The following MYO18A variants were observed in gnomAD, a reference collection of about 807,000 sequenced individuals.
MYO18A encodes the protein myosin XVIIIA, also known as unconventional myosin-XVIIIa.
Under a neutral mutation model 235.8 loss-of-function variants are expected in MYO18A, and 78 were observed. That is an observed-to-expected ratio of 0.33 (90% confidence interval 0.28 to 0.40). The LOEUF (loss-of-function observed/expected upper bound fraction) is 0.40, where lower values mean the gene tolerates loss of function less well. Among genes scored for constraint, MYO18A ranks in the 10% least tolerant of loss-of-function variants. The probability of loss-of-function intolerance (pLI) is 1.00; values close to 1 mark genes in which losing one functional copy is unlikely to be tolerated. For synonymous variants in MYO18A, 977 were observed against 1,077.8 expected, an observed-to-expected ratio of 0.91 and a Z score of 1.83; for missense variants, 2,215 against 2,699.3, an observed-to-expected ratio of 0.82 and a Z score of 3.98.
intron 1 of MYO18A, among the ~76,000 whole-genome samples, chr17:29,172,293 G>A (rs2068423350): frequency 6.6e-6 from 1 of 152,016 alleles, no homozygotes; most frequent in African/African-American, 2.4e-5. Context: ...GGTCAACACG[G>A]TGAAACCTTG....
At chr17:29,098,609 C>T (rs1021537724) in intron 23 of MYO18A, among the ~76,000 whole-genome samples, 164 bp from the exon 24 acceptor site, 13 of 152,308 alleles carry the variant, frequency 8.5e-5, no homozygotes, top group African/African-American at 3.1e-4. Context: ...GGATCCTGTC[C>T]CTAGACGCTT....
At position 29,106,717 on chromosome 17, in the gene MYO18A, C is replaced by G. The variant is rs1418935701; in HGVS notation, c.3441+363G>C. Among the ~76,000 whole-genome samples the G allele has an allele frequency of 1.3e-5, 2 of 152,220 alleles. No homozygotes were observed. The highest frequency in any genetic ancestry group is 2.9e-5 in the Non-Finnish European group (2 of 68,032). On this transcript the variant is annotated intron_variant, in intron 20 of 41. Transcript: ENST00000527372. This position sits in a 1 kb window ranked among gnomAD's most constrained non-coding sequence, Gnocchi z 4.6. ...CCTTCTAGGAGGAATGTTCGCCCAG[C>G]CCTGGACAGCTTCCTGCTTCAGGAA...
chr17:29,116,919 C>T (rs1567606800), intron 10 of MYO18A, among the ~76,000 whole-genome samples: 1 of 151,978 alleles, frequency 6.6e-6, no homozygotes, highest in African/African-American at 2.4e-5. Context: ...CACGCCTGCC[C>T]GCCTGTCTGT....
chr17:29,095,121 T>C, intron 28 of MYO18A, 62 bp from the exon 29 acceptor site: 2 of 1,470,396 alleles, frequency 1.4e-6, no homozygotes, highest in Non-Finnish European at 1.8e-6. Context: ...ACACAGACAC[T>C]GTCAGGAGGT....
chr17:29,079,260 G>A (rs1167526692), intron 41 of MYO18A, among the ~76,000 whole-genome samples: 1 of 152,194 alleles, frequency 6.6e-6, no homozygotes, highest in Non-Finnish European at 1.5e-5. Context: ...CTGGCTGCCT[G>A]GAGGAGTGGG....
chr17:29,130,994 T>C (rs1005398845), intron 2 of MYO18A, among the ~76,000 whole-genome samples: 9 of 152,024 alleles, frequency 5.9e-5, no homozygotes, highest in Admixed American at 1.3e-4. Context: ...GAGCTCTCAT[T>C]CGACGCTCCC....
chr17:29,127,926 C>T, intron 2 of MYO18A: 1 of 999,176 alleles, frequency 1.0e-6, no homozygotes, highest in Non-Finnish European at 1.2e-6. Context: ...CCGGTGGAGC[C>T]TGGGGTCACC....
chr17:29,107,045 G>C (rs2066804945), intron 20 of MYO18A, 35 bp downstream of exon 20: 5 of 1,592,838 alleles, frequency 3.1e-6, no homozygotes, highest in Non-Finnish European at 4.3e-6. Context: ...GAGGGGCCTG[G>C]GCAGAGGGAG....
At position 29,169,829 on chromosome 17, in the gene MYO18A, A is replaced by G. The variant is rs530707820; in HGVS notation, c.-81-2808T>C. Among the ~76,000 whole-genome samples the G allele has an allele frequency of 2.0e-5, 3 of 152,152 alleles. No individual in the cohort carries two copies. In the South Asian group the frequency reaches 6.3e-4, roughly 32 times the overall value. ...ATTCTCGGTCTATAATGCTTACCCAATCCTGGCTCTTTGCTGGGGGCTAGA... is the reference window on the plus strand; with the variant it reads ...ATTCTCGGTCTATAATGCTTACCCAGTCCTGGCTCTTTGCTGGGGGCTAGA... On this transcript the variant is annotated intron_variant, in intron 1 of 41. Coordinates refer to ENST00000527372, the MANE Select transcript of MYO18A (RefSeq NM_078471.4).
chr17:29,130,708 C>G (rs1224179451), intron 2 of MYO18A, among the ~76,000 whole-genome samples: 1 of 152,208 alleles, frequency 6.6e-6, no homozygotes, highest in Admixed American at 6.5e-5. Context: ...GGCACTCCTG[C>G]CCCCTGTGCT....
chr17:29,130,065 G>A (rs2067425932), intron 2 of MYO18A, among the ~76,000 whole-genome samples: 1 of 152,094 alleles, frequency 6.6e-6, no homozygotes. Context: ...GCGAGGCCAA[G>A]GCAGGGAGAC....
rs1598317439 is a variant in MYO18A, at chr17:29,109,701, T to G, written c.3331+157A>C. Among the ~76,000 whole-genome samples, 1 of 151,912 alleles carries G rather than the reference T, an allele frequency of 6.6e-6. No individual in the cohort carries two copies. Among genetic ancestry groups the G allele is most frequent in the East Asian group, 2.0e-4 (1 of 5,126 alleles). ...TGGAAGGAAATGGACAAAGGGGCTG[T>G]GGGCTGGGAGAGATGAGGAGAGACC... On this transcript the variant is annotated intron_variant, in intron 19 of 41. Transcript: ENST00000527372. This position sits in a 1 kb window ranked among gnomAD's most constrained non-coding sequence, Gnocchi z 4.1.
chr17:29,145,506 A>T (rs2067828751), intron 2 of MYO18A, among the ~76,000 whole-genome samples: 1 of 152,088 alleles, frequency 6.6e-6, no homozygotes, highest in Non-Finnish European at 1.5e-5. Flanking sequence ...GAACTGTAAT[A>T]CCTCAAGGCG....
chr17:29,110,717 C>A (rs1407203487), intron 17 of MYO18A, 95 bp from the exon 18 acceptor site: 6 of 1,285,632 alleles, frequency 4.7e-6, no homozygotes, highest in Non-Finnish European at 5.3e-6. Context: ...ACTAAACAGT[C>A]CCATTCAGCC....
At chr17:29,080,021 CGGAGCT>C (rs989675957) in intron 41 of MYO18A, 49 of 985,978 alleles carry the variant, frequency 5.0e-5, no homozygotes, top group Admixed American at 6.1e-5. Flanking sequence ...GCTTCGGAGC[CGGAGCT>C]GGAGCTGGAG....
chr17:29,074,225 G>A lies in MYO18A; in HGVS notation c.*545C>T, dbSNP rs1246565562. The A allele has an allele frequency of 3.8e-6, 6 of 1,567,190 alleles. No homozygotes were observed. Among genetic ancestry groups the A allele is most frequent in the Middle Eastern group, 1.7e-4 (1 of 5,768 alleles). The stretch of plus-strand genomic sequence containing the variant: ...TCCCGAGTCGTTCTTGGGAGCCCCA[G>A]CTACCACTACAGCCCCCTCCCACTC... On this transcript the variant is annotated 3_prime_UTR_variant, in exon 42 of 42. Coordinates refer to ENST00000527372, the MANE Select transcript of MYO18A (RefSeq NM_078471.4). The surrounding 1 kb of genome is among the most constrained non-coding windows in gnomAD (Gnocchi z 4.4).
chr17:29,135,926 T>C (rs2067586083), intron 2 of MYO18A, among the ~76,000 whole-genome samples: 2 of 152,190 alleles, frequency 1.3e-5, no homozygotes, highest in Admixed American at 1.3e-4. Context: ...CATGCCCATA[T>C]CAAAACAAAA....
intron 2 of MYO18A, among the ~76,000 whole-genome samples, chr17:29,141,470 G>A (rs72817641): frequency 0.027 from 4,050 of 151,902 alleles, 74 homozygotes; most frequent in Non-Finnish European, 0.035. Flanking sequence ...GTGGTGCTAG[G>A]AAGCCCTGAT....
intron 37 of MYO18A, among the ~76,000 whole-genome samples, chr17:29,089,670 C>G (rs974447732): frequency 6.6e-6 from 1 of 152,042 alleles, no homozygotes; most frequent in Non-Finnish European, 1.5e-5. Flanking sequence ...GGGGAACAGG[C>G]GGGGGGAGCT....
Sources: allele counts gnomAD v4.1 joint callset (sites outside exome capture counted in the v4.1 genomes callset), GRCh38; gene constraint gnomAD v4.1.1; non-coding constraint Gnocchi (gnomAD v3.1); transcripts MANE v1.5; gene names NCBI Gene and HGNC (gene_info 2026-07-23, HGNC 2026-07-21).